Variants in DCAF12L2 observed in about 807,000 individuals in gnomAD.
DCAF12L2 encodes the protein DDB1 and CUL4 associated factor 12 like 2.
In DCAF12L2, 16 loss-of-function variants were observed where a neutral mutation model predicts 20.2. The ratio of observed to expected loss-of-function variants is 0.79; its 90% confidence interval spans 0.54 to 1.20. The LOEUF is 1.20. Ranked by LOEUF, DCAF12L2 falls within the 50% of genes most tolerant of loss-of-function variation. DCAF12L2 has a pLI of 0.00. For synonymous variants in DCAF12L2, 195 were observed against 190.0 expected (o/e 1.03, Z -0.22); for missense variants, 355 against 404.8 (o/e 0.88, Z 1.06).
chrX:126,166,091 G>T lies in DCAF12L2; in HGVS notation c.-167C>A. ...TCAGGATCTCTAAGACCAAGAAGCT[G>T]GTGCGATCGCGGGCGCCCAGACTTC... On this transcript the variant is annotated 5_prime_UTR_variant, in exon 1 of 1. Coordinates refer to ENST00000360028, the MANE Select transcript of DCAF12L2 (RefSeq NM_001013628.3). 1 of 566,266 alleles carries T rather than the reference G, an allele frequency of 1.8e-6. No individual in the cohort carries two copies. The highest frequency in any genetic ancestry group is 2.1e-6 in the Non-Finnish European group (1 of 467,775). 46.7% of individuals were successfully genotyped at this position (566,266 alleles called of 1,213,427 possible). A position where few individuals can be genotyped will look rare whatever the true frequency, so the allele number is the denominator to read the frequency against.
At position 126,164,316 on chromosome X, in the gene DCAF12L2, C is replaced by A; in HGVS notation, c.*217G>T. 1 of 403,376 alleles carries A rather than the reference C, an allele frequency of 2.5e-6. No individual in the cohort carries two copies. The highest frequency in any genetic ancestry group is 4.0e-6 in the Non-Finnish European group (1 of 248,691). The allele number at this position is 403,376 out of a possible 1,213,427, so 33.2% of individuals were successfully genotyped here. ...GGAAACGTGAATGAGAGTTTTAAAG[C>A]CAAAGTTTTGACTGCCGAAAGGACC... On this transcript the variant is annotated 3_prime_UTR_variant, in exon 1 of 1. Transcript: ENST00000360028.
Position 126,165,915 on chromosome X carries a change from G to A in DCAF12L2, c.10C>T (p.Gln4Ter). The change falls in exon 1 of 1, where the codon CAG becomes TAG. Residue 4 changes from glutamine (Q) to a stop codon, truncating the protein, a stop_gained. Coordinates refer to ENST00000360028, the MANE Select transcript of DCAF12L2 (RefSeq NM_001013628.3). LOFTEE classifies it high-confidence loss of function. MAQ[Q>*]QTGSRKRKAP... ...TTCCGTTTCCTGCTACCTGTTTGCT[G>A]CTGGGCCATGGTGGGCGGCGGGCGA... 1 of 1,194,279 alleles carries A rather than the reference G, an allele frequency of 8.4e-7. No homozygotes were observed.
Position 126,165,750 on chromosome X carries a change from C to T in DCAF12L2, c.175G>A (p.Glu59Lys), listed in dbSNP as rs774394823. The change falls in exon 1 of 1, where the codon GAG becomes AAG. Residue 59 changes from glutamate to lysine, a missense_variant. Coordinates refer to ENST00000360028, the MANE Select transcript of DCAF12L2 (RefSeq NM_001013628.3). ...RRLVHYLKGR[E>K]VGARGPAGLQ... ...CCGGCTGGGCCCCGCGCTCCTACCT[C>T]CCGGCCCTTCAGATAGTGCACCAGC... 3 of 1,210,043 alleles carry T rather than the reference C, an allele frequency of 2.5e-6. No individual in the cohort carries two copies. In the South Asian group the frequency reaches 5.3e-5, roughly 21 times the overall value.
Position 126,164,373 on chromosome X carries a change from T to C in DCAF12L2, c.*160A>G, listed in dbSNP as rs1437733689. 2.9e-6 allele frequency: 2 copies of C among 679,516 alleles called. No individual in the cohort carries two copies. The highest frequency in any genetic ancestry group is 4.2e-6 in the Non-Finnish European group (2 of 475,813). 56.0% of individuals were successfully genotyped at this position (679,516 alleles called of 1,213,427 possible). On this transcript the variant is annotated 3_prime_UTR_variant, in exon 1 of 1. Coordinates refer to ENST00000360028, the MANE Select transcript of DCAF12L2 (RefSeq NM_001013628.3). ...GCTCTCTCGCTCCCGCTCTCTCTCT[T>C]TCTTTCTCTGCCTAATACATTAAGC...
Position 126,164,308 on chromosome X carries a change from T to A in DCAF12L2, c.*225A>T. 4 of 376,588 alleles carry A rather than the reference T, an allele frequency of 1.1e-5. No homozygotes were observed. The highest frequency in any genetic ancestry group is 4.4e-5 in the East Asian group (1 of 22,931). The allele number at this position is 376,588 out of a possible 1,213,427, so 31.0% of individuals were successfully genotyped here. A position where few individuals can be genotyped will look rare whatever the true frequency, so the allele number is the denominator to read the frequency against. On this transcript the variant is annotated 3_prime_UTR_variant, in exon 1 of 1. Coordinates refer to ENST00000360028, the MANE Select transcript of DCAF12L2 (RefSeq NM_001013628.3). ...TGCTGTTGGGAAACGTGAATGAGAGTTTTAAAGCCAAAGTTTTGACTGCCG... is the reference window on the plus strand; with the variant it reads ...TGCTGTTGGGAAACGTGAATGAGAGATTTAAAGCCAAAGTTTTGACTGCCG...
Position 126,166,127 on chromosome X carries a change from T to TCGG in DCAF12L2, c.-206_-204dup, listed in dbSNP as rs1227671014. 2.7e-5 allele frequency: 8 copies of TCGG among 293,810 alleles called. No homozygotes were observed. The highest frequency in any genetic ancestry group is 3.4e-5 in the African/African-American group (1 of 29,425). 24.2% of individuals were successfully genotyped at this position (293,810 alleles called of 1,213,427 possible). On this transcript the variant is annotated 5_prime_UTR_variant, in exon 1 of 1. Coordinates refer to ENST00000360028, the MANE Select transcript of DCAF12L2 (RefSeq NM_001013628.3). ...GGGCGCCCAGACTTCAGTCTGAGGC[T>TCGG]CGGCGGCGGCGGCGGCGGCAGCGGT...
rs780965137 is a variant in DCAF12L2, at chrX:126,165,550, C to A, written c.375G>T (p.Val125=). 1.7e-6 allele frequency: 2 copies of A among 1,211,365 alleles called. No homozygotes were observed. The highest frequency in any genetic ancestry group is 3.5e-5 in the African/African-American group (2 of 57,652). The change falls in exon 1 of 1, where the codon GTG becomes GTT. Residue 125 remains valine (V), a synonymous_variant. Coordinates refer to ENST00000360028, the MANE Select transcript of DCAF12L2 (RefSeq NM_001013628.3). ...GGATGCGCGTGATGTGGCCTGACTG[C>A]ACGTCCACCACAAACAGCGTATTAC... ...TKCNTLFVVD[V]QSGHITRIPL... is the part of the protein sequence containing the mutation.
chrX:126,164,827 G>A lies in DCAF12L2; in HGVS notation c.1098C>T (p.Gly366=). The A allele has an allele frequency of 1.6e-6, 2 of 1,212,330 alleles. No homozygotes were observed. Among genetic ancestry groups the A allele is most frequent in the Non-Finnish European group, 2.2e-6 (2 of 895,584 alleles). The change falls in exon 1 of 1, where the codon GGC becomes GGT. Residue 366 remains glycine, a synonymous_variant. Transcript: ENST00000360028. ...AGAAGAGCAGGGAACCATGGCCGGT[G>A]CCCACAGTGATGATGTGCTGGTAGA... ...LSFYQHIITV[G]TGHGSLLFYD... is the part of the protein sequence containing the mutation.
rs756958968 is a variant in DCAF12L2 at position 126,165,459 on chromosome X, C to A, written c.466G>T (p.Glu156Ter). Residue 156 changes from glutamate to a stop codon, truncating the protein, a stop_gained, in exon 1 of 1, where the codon GAG becomes TAG. Transcript: ENST00000360028. LOFTEE classifies it high-confidence loss of function. ...AGAAGCGTCTTGGAGGGATTCAGCT[C>A]GATGGCATGGATGCCGCAGCCCTGG... ...AHQGCGIHAIELNPSKTLLAT... is the reference protein window; with the variant it reads ...AHQGCGIHAI 6 of 1,212,280 alleles carry A rather than the reference C, an allele frequency of 4.9e-6. No individual in the cohort carries two copies. The highest frequency in any genetic ancestry group is 1.1e-6 in the Non-Finnish European group (1 of 895,527).
At position 126,164,033 on chromosome X, in the gene DCAF12L2, C is replaced by G. The variant is rs906057135; in HGVS notation, c.*500G>C. ...ACTGCATTTTGTAATTAGAGTAAGG[C>G]TATAAATGATGGGTAGTTCCTCAAA... On this transcript the variant is annotated 3_prime_UTR_variant, in exon 1 of 1. Transcript: ENST00000360028. 2 of 114,350 alleles carry G rather than the reference C, an allele frequency of 1.7e-5. No individual in the cohort carries two copies. Among genetic ancestry groups the G allele is most frequent in the Non-Finnish European group, 3.6e-5 (2 of 55,043 alleles). The allele number at this position is 114,350 out of a possible 1,213,427, so 9.4% of individuals were successfully genotyped here.
chrX:126,164,886 G>C lies in DCAF12L2; in HGVS notation c.1039C>G (p.Arg347Gly). The change falls in exon 1 of 1, where the codon CGA becomes GGA. Residue 347 changes from arginine (R) to glycine (G), a missense_variant. Transcript: ENST00000360028. ...GACCGCACGCCTGTGCCACCCTCTCGAGAGCACAGGGGCCGGATGTTCTGC... is the reference window on the plus strand; with the variant it reads ...GACCGCACGCCTGTGCCACCCTCTCCAGAGCACAGGGGCCGGATGTTCTGC... Reference protein sequence around the residue: ...RQQNIRPLCSREGGTGVRSLS... With the variant: ...RQQNIRPLCSGEGGTGVRSLS... The C allele has an allele frequency of 1.6e-6, 2 of 1,212,202 alleles. No individual in the cohort carries two copies. The highest frequency in any genetic ancestry group is 2.2e-6 in the Non-Finnish European group (2 of 895,595).
chrX:126,165,251 T>G lies in DCAF12L2; in HGVS notation c.674A>C (p.Asp225Ala). 1.7e-6 allele frequency: 2 copies of G among 1,211,956 alleles called. No homozygotes were observed. The highest frequency in any genetic ancestry group is 4.3e-5 in the Admixed American group (2 of 46,135). The change falls in exon 1 of 1, where the codon GAC becomes GCC. Residue 225 changes from aspartate (D) to alanine (A), a missense_variant. Physicochemically the swap from Asp to Ala is moderately radical, Grantham distance 126 (BLOSUM62 -2). Transcript: ENST00000360028. ...GTVALWRMDPDMFNGSIAWHS... is the reference protein window; with the variant it reads ...GTVALWRMDPAMFNGSIAWHS... ...CCAGGCAATGCTGCCATTAAACATG[T>G]CTGGGTCCATCCGCCACAGAGCCAC...
chrX:126,166,082 C>A lies in DCAF12L2; in HGVS notation c.-158G>T. Reference sequence around the variant, plus strand: ...GCCGAGAGCTCAGGATCTCTAAGACCAAGAAGCTGGTGCGATCGCGGGCGC... The same window carrying A: ...GCCGAGAGCTCAGGATCTCTAAGACAAAGAAGCTGGTGCGATCGCGGGCGC... On this transcript the variant is annotated 5_prime_UTR_variant, in exon 1 of 1. Transcript: ENST00000360028. 1.7e-6 allele frequency: 1 copy of A among 603,227 alleles called. No individual in the cohort carries two copies. Among genetic ancestry groups the A allele is most frequent in the Non-Finnish European group, 2.0e-6 (1 of 501,500 alleles). The allele number at this position is 603,227 out of a possible 1,213,427, so 49.7% of individuals were successfully genotyped here. A position where few individuals can be genotyped will look rare whatever the true frequency, so the allele number is the denominator to read the frequency against.
rs140058006 is a variant in DCAF12L2, at chrX:126,165,263, C to T, written c.662G>A (p.Arg221Gln). 3 of 1,211,198 alleles carry T rather than the reference C, an allele frequency of 2.5e-6. No individual in the cohort carries two copies. The highest frequency in any genetic ancestry group is 3.5e-5 in the African/African-American group (2 of 57,600). The change falls in exon 1 of 1, where the codon CGG (arginine) becomes CAG (glutamine). Residue 221 changes from arginine to glutamine, a missense_variant. By Grantham distance (43) the Arg-to-Gln change is conservative. Transcript: ENST00000360028. ...GSRDGTVALW[R>Q]MDPDMFNGSI... is the part of the protein sequence containing the mutation. ...GCCATTAAACATGTCTGGGTCCATC[C>T]GCCACAGAGCCACGGTGCCGTCGCG...
rs1927830010 is a variant in DCAF12L2 at position 126,165,946 on chromosome X, A to G, written c.-22T>C. 2 of 1,008,802 alleles carry G rather than the reference A, an allele frequency of 2.0e-6. No individual in the cohort carries two copies. The highest frequency in any genetic ancestry group is 2.5e-6 in the Non-Finnish European group (2 of 797,167). 83.1% of individuals were successfully genotyped at this position (1,008,802 alleles called of 1,213,427 possible). A position where few individuals can be genotyped will look rare whatever the true frequency, so the allele number is the denominator to read the frequency against. The stretch of plus-strand genomic sequence containing the variant: ...CCATGGTGGGCGGCGGGCGATCTGC[A>G]GCAGCGGCGGCGGCGGCGGCGGCGG... On this transcript the variant is annotated 5_prime_UTR_variant, in exon 1 of 1. Transcript: ENST00000360028.
chrX:126,164,823 C>G lies in DCAF12L2; in HGVS notation c.1102G>C (p.Gly368Arg), dbSNP rs1318307703. ...FYQHIITVGT[G>R]HGSLLFYDIR... The stretch of plus-strand genomic sequence containing the variant: ...TCATAGAAGAGCAGGGAACCATGGC[C>G]GGTGCCCACAGTGATGATGTGCTGG... The change falls in exon 1 of 1, where the codon GGC becomes CGC. Residue 368 changes from glycine to arginine, a missense_variant. Gly to Arg is a moderately radical substitution (Grantham distance 125). Coordinates refer to ENST00000360028, the MANE Select transcript of DCAF12L2 (RefSeq NM_001013628.3). 8.2e-7 allele frequency: 1 copy of G among 1,212,226 alleles called. No individual in the cohort carries two copies.
rs1927793783 is a variant in DCAF12L2 at position 126,165,110 on chromosome X, C to T, written c.815G>A (p.Gly272Asp). 8.3e-7 allele frequency: 1 copy of T among 1,211,437 alleles called. No homozygotes were observed. Among genetic ancestry groups the T allele is most frequent in the Non-Finnish European group, 1.1e-6 (1 of 895,144 alleles). Residue 272 changes from glycine (G) to aspartate (D), a missense_variant, in exon 1 of 1, where the codon GGC becomes GAC. Physicochemically the swap from Gly to Asp is moderately conservative, Grantham distance 94. Transcript: ENST00000360028. The part of the protein sequence containing the change: ...NRKVRALAFS[G>D]KNQELGAVSL... The stretch of plus-strand genomic sequence containing the variant: ...CACCGCTCCCAGCTCCTGGTTCTTG[C>T]CGCTGAAGGCCAGGGCCCGTACCTT...
Position 126,165,795 on chromosome X carries a change from G to A in DCAF12L2, c.130C>T (p.Arg44Trp), listed in dbSNP as rs1446374122. ...ACCAGCCTGCGACGCGTCGCCGGCC[G>A]CTTCTGCTTCTTGGGTAGCAGAGGC... ...EGPLLPKKQK[R>W]PATRRRLVHY... The change falls in exon 1 of 1, where the codon CGG becomes TGG. Residue 44 changes from arginine (R) to tryptophan (W), a missense_variant. Physicochemically the swap from Arg to Trp is moderately radical, Grantham distance 101. Transcript: ENST00000360028. The A allele has an allele frequency of 8.3e-7, 1 of 1,207,101 alleles. No individual in the cohort carries two copies. The highest frequency in any genetic ancestry group is 1.1e-6 in the Non-Finnish European group (1 of 894,660).
rs1006545114 is a variant in DCAF12L2, at chrX:126,165,711, C to G, written c.214G>C (p.Glu72Gln). 46 of 1,209,060 alleles carry G rather than the reference C, an allele frequency of 3.8e-5. No individual in the cohort carries two copies. Among genetic ancestry groups the G allele is most frequent in the Non-Finnish European group, 4.6e-5 (41 of 894,699 alleles). Residue 72 changes from glutamate (E) to glutamine (Q), a missense_variant, in exon 1 of 1, where the codon GAG (glutamate) becomes CAG (glutamine). Glu to Gln is a conservative substitution (Grantham distance 29). Transcript: ENST00000360028. ...ARGPAGLQGF[E>Q]GELRGYAVQR... Reference sequence around the variant, plus strand: ...ACGGCGTAGCCCCGCAGCTCGCCCTCGAAGCCCTGGAGCCCGGCTGGGCCC... The same window carrying G: ...ACGGCGTAGCCCCGCAGCTCGCCCTGGAAGCCCTGGAGCCCGGCTGGGCCC...
Sources: gnomAD v4.1 joint callset for allele counts on GRCh38, gnomAD v4.1.1 for gene constraint, MANE v1.5 for transcripts, NCBI Gene and HGNC (gene_info 2026-07-23, HGNC 2026-07-21) for gene names.